The following KAT6A variants were observed in gnomAD, a reference collection of about 807,000 sequenced individuals.
KAT6A encodes the protein lysine acetyltransferase 6A.
A neutral mutation model predicts 198.4 loss-of-function variants in KAT6A; 9 were observed. The ratio of observed to expected loss-of-function variants is 0.05; its 90% CI spans 0.03 to 0.08. The LOEUF is 0.08. Ranked by LOEUF, KAT6A falls within the 10% of genes least tolerant of loss-of-function variation. The pLI is 1.00. For synonymous variants in KAT6A, 890 were observed against 883.0 expected, an observed-to-expected ratio of 1.01 and a Z score of -0.14; for missense variants, 2,077 against 2,509.9, an observed-to-expected ratio of 0.83 and a Z score of 3.69.
Position 41,977,507 on chromosome 8 carries a change from C to A in KAT6A, c.1044-180G>T, listed in dbSNP as rs143119525. On this transcript the variant is annotated intron_variant, in intron 6 of 16. Transcript: ENST00000265713. ...TGAAAATTAATATTATTATTAGAAA[C>A]ATCTATTGCCAGGAAGCCTACTTAT... 566 of 490,884 alleles carry A rather than the reference C, an allele frequency of 1.2e-3. 7 individuals carry two copies. The highest frequency in any genetic ancestry group is 0.01 in the African/African-American group (515 of 51,426). 30.4% of individuals were successfully genotyped at this position (490,884 alleles called of 1,614,324 possible).
chr8:41,991,259 G>A (rs1336333207), intron 2 of KAT6A, among the ~76,000 whole-genome samples: 1 of 152,058 alleles, frequency 6.6e-6, no homozygotes, highest in African/African-American at 2.4e-5. Flanking sequence ...ATAATTAGGT[G>A]GTTAAACAGA....
intron 8 of KAT6A, among the ~76,000 whole-genome samples, chr8:41,970,017 A>T (rs1181333757): frequency 6.6e-6 from 1 of 152,206 alleles, no homozygotes; most frequent in African/African-American, 2.4e-5. Context: ...AAGGTAGCCC[A>T]GCCCGTCAGA....
intron 2 of KAT6A, among the ~76,000 whole-genome samples, chr8:41,990,242 T>C (rs1434490679): frequency 2.0e-5 from 3 of 152,160 alleles, no homozygotes; most frequent in Non-Finnish European, 4.4e-5. Flanking sequence ...AGGGATGTGA[T>C]CTATAATCCA....
At chr8:41,981,045 C>A (rs77532956) in intron 4 of KAT6A, 118 bp from the exon 5 acceptor site, 15,867 of 741,928 alleles carry the variant, frequency 0.021, 235 homozygotes, top group Middle Eastern at 0.035. Flanking sequence ...ATAAGCCAGG[C>A]GCAATGGCTC....
chr8:41,994,465 G>A (rs1825096560), intron 2 of KAT6A, among the ~76,000 whole-genome samples: 1 of 151,938 alleles, frequency 6.6e-6, no homozygotes, highest in African/African-American at 2.4e-5. Context: ...TACAGGCACA[G>A]GGCCTTTGCA....
At chr8:41,954,492 TAG>T (rs1365442561) in intron 9 of KAT6A, among the ~76,000 whole-genome samples, 3 of 152,206 alleles carry the variant, frequency 2.0e-5, no homozygotes, top group Admixed American at 1.3e-4. Context: ...GTTTATAGAT[TAG>T]AGAGCATTAA....
At chr8:41,935,022 G>A (rs981027553) in intron 16 of KAT6A, among the ~76,000 whole-genome samples, 155 bp from the exon 17 acceptor site, 4 of 152,136 alleles carry the variant, frequency 2.6e-5, no homozygotes, top group African/African-American at 9.7e-5. Flanking sequence ...GAACCTAGAG[G>A]ATAAAACTAA....
chr8:41,944,279 C>G (rs556440094), intron 12 of KAT6A, among the ~76,000 whole-genome samples: 1 of 152,240 alleles, frequency 6.6e-6, no homozygotes, highest in African/African-American at 2.4e-5. Context: ...CGTTCAACGT[C>G]CTGGGGAAAA....
intron 8 of KAT6A, among the ~76,000 whole-genome samples, chr8:41,959,337 C>G (rs745758499): frequency 2.6e-5 from 4 of 151,986 alleles, no homozygotes; most frequent in Admixed American, 2.0e-4. Context: ...TTTTTAAATG[C>G]AAAACACCAG....
Position 42,009,510 on chromosome 8 carries a change from C to A in KAT6A, c.601-21947G>T, listed in dbSNP as rs566196356. 6.6e-5 allele frequency among the ~76,000 whole-genome samples: 10 copies of A among 151,500 alleles called. No homozygotes were observed. In the South Asian group the frequency reaches 2.1e-3, roughly 32 times the overall value. ...CTTCATGGAAAAGGTGACATGTGAC[C>A]CTGAGACGACTAATGGGTGCATGTG... On this transcript the variant is annotated intron_variant, in intron 2 of 16. Transcript: ENST00000265713.
At chr8:41,989,831 TTAA>T (rs1824838765) in intron 2 of KAT6A, among the ~76,000 whole-genome samples, 1 of 152,084 alleles carries the variant, frequency 6.6e-6, no homozygotes, top group Non-Finnish European at 1.5e-5. Context: ...AGCAAACAGA[TTAA>T]TGAGAGAGTT....
chr8:41,963,319 A>G (rs559853734), intron 8 of KAT6A, among the ~76,000 whole-genome samples: 1 of 152,164 alleles, frequency 6.6e-6, no homozygotes, highest in Non-Finnish European at 1.5e-5. Context: ...CATCTACCAA[A>G]GTTCTCCACT....
At chr8:42,007,851 A>T (rs1825821549) in intron 2 of KAT6A, among the ~76,000 whole-genome samples, 1 of 150,790 alleles carries the variant, frequency 6.6e-6, no homozygotes, top group African/African-American at 2.4e-5. Flanking sequence ...AGTCCCAGCT[A>T]CTCAGGAGGC....
chr8:42,040,579 C>T (rs1168761760), intron 2 of KAT6A, among the ~76,000 whole-genome samples: 2 of 150,932 alleles, frequency 1.3e-5, no homozygotes, highest in African/African-American at 2.4e-5. Flanking sequence ...ACTAAAAATA[C>T]AAAAAATTAG....
chr8:42,011,346 C>T (rs1826007613), intron 2 of KAT6A, among the ~76,000 whole-genome samples: 1 of 152,218 alleles, frequency 6.6e-6, no homozygotes, highest in African/African-American at 2.4e-5. Flanking sequence ...AGAACCCCAA[C>T]TTTCAAGTTC....
chr8:42,048,410 G>A lies in KAT6A; in HGVS notation c.568C>T (p.Pro190Ser). 1 of 1,614,082 alleles carries A rather than the reference G, an allele frequency of 6.2e-7. No individual in the cohort carries two copies. ...TTTTCATGTGGAAGAAGGGACACTG[G>A]AGGTAAACAGGAAAGAGACTCACAA... ...ESCESLSCLP[P>S]VSLLPHEKDK... Residue 190 changes from proline (P) to serine (S), a missense_variant, in exon 2 of 17, where the codon CCA becomes TCA. Around this residue, in one of 13 missense-constraint regions of KAT6A, gnomAD observed 185 missense variants for 185.7 expected, o/e 1.00. Transcript: ENST00000265713.
At chr8:41,983,155 G>A (rs1208563512) in intron 3 of KAT6A, among the ~76,000 whole-genome samples, 1 of 152,164 alleles carries the variant, frequency 6.6e-6, no homozygotes, top group African/African-American at 2.4e-5. Flanking sequence ...ATTAAGGGTA[G>A]CCAATTTCCC....
At chr8:41,965,640 T>G (rs1023715708) in intron 8 of KAT6A, among the ~76,000 whole-genome samples, 4 of 152,192 alleles carry the variant, frequency 2.6e-5, no homozygotes, top group Admixed American at 2.6e-4. Context: ...AAGCATGGGT[T>G]TCAGTTAACA....
Position 41,977,161 on chromosome 8 carries a change from T to G in KAT6A, c.1210A>C (p.Lys404Gln), listed in dbSNP as rs1824096793. 2 of 1,614,082 alleles carry G rather than the reference T, an allele frequency of 1.2e-6. No individual in the cohort carries two copies. The highest frequency in any genetic ancestry group is 1.3e-5 in the African/African-American group (1 of 74,924). Residue 404 changes from lysine to glutamine, a missense_variant, in exon 7 of 17, where the codon AAG becomes CAG. Transcript: ENST00000265713. ...RDSNVSLKFN[K>Q]KTKGLIDGLT... ...CCATCAATGAGCCCTTTGGTTTTCT[T>G]GTTGAACTTCAAGGAGACATTGCTA...
Sources: allele counts gnomAD v4.1 joint callset (sites outside exome capture counted in the v4.1 genomes callset), GRCh38; gene constraint gnomAD v4.1.1; regional missense constraint gnomAD v4.1.1; transcripts MANE v1.5; gene names NCBI Gene and HGNC (gene_info 2026-07-23, HGNC 2026-07-21).